CFAP97D2: variants seen among roughly 807,000 people sequenced by gnomAD.
CFAP97D2 encodes the protein uncharacterized protein CFAP97D2.
In CFAP97D2 at chr13:114,185,217, G is replaced by A. The variant is rs989926406; in HGVS notation, c.90+5797G>A. ...CACCGCTCTTGCCTGCTGATGCAGG[G>A]AGGGCACAGGAAAGAGGTGAACAGT... On this transcript the variant is annotated intron_variant, in intron 1 of 4. Transcript: ENST00000646158. The surrounding 1 kb of genome is among the most constrained non-coding windows in gnomAD (Gnocchi z 5.2). 3.9e-5 allele frequency among the ~76,000 whole-genome samples: 6 copies of A among 152,230 alleles called. No individual in the cohort carries two copies. Among genetic ancestry groups the A allele is most frequent in the African/African-American group, 1.4e-4 (6 of 41,464 alleles).
intron 1 of CFAP97D2, among the ~76,000 whole-genome samples, chr13:114,195,937 G>C (rs1430315956): frequency 1.3e-5 from 2 of 149,412 alleles, no homozygotes; most frequent in East Asian, 2.0e-4. Context: ...AAAAAAACTA[G>C]CTGGGCATGG....
intron 1 of CFAP97D2, among the ~76,000 whole-genome samples, chr13:114,196,175 A>T (rs1230502424): frequency 6.6e-6 from 1 of 151,750 alleles, no homozygotes; most frequent in Non-Finnish European, 1.5e-5. Context: ...CACCCACTTA[A>T]TTCTGTCTTT....
In CFAP97D2 at chr13:114,222,497, G is replaced by T. The variant is rs1324930574; in HGVS notation, c.481-1G>T. 1.5e-5 allele frequency: 6 copies of T among 398,476 alleles called. No individual in the cohort carries two copies. Among genetic ancestry groups the T allele is most frequent in the Admixed American group, 8.8e-5 (2 of 22,714 alleles). The allele number at this position is 398,476 out of a possible 1,614,324, so 24.7% of individuals were successfully genotyped here. A position where few individuals can be genotyped will look rare whatever the true frequency, so the allele number is the denominator to read the frequency against. ...GTTTCAAATATGTATTTTAAATCCA[G>T]CAGGAAGTGAAACTGGATTAGCAAG... On this transcript the variant is annotated splice_acceptor_variant, in intron 4 of 4. Transcript: ENST00000646158. LOFTEE classifies it high-confidence loss of function. This position sits in a 1 kb window ranked among gnomAD's most constrained non-coding sequence, Gnocchi z 4.4.
intron 3 of CFAP97D2, among the ~76,000 whole-genome samples, chr13:114,209,002 GA>G (rs1210832476): frequency 1.3e-5 from 2 of 152,208 alleles, no homozygotes; most frequent in Non-Finnish European, 2.9e-5. Context: ...TATAGAAGGT[GA>G]TTTTTAAAGC....
In CFAP97D2 at chr13:114,203,553, G is replaced by A. The variant is rs1299788039; in HGVS notation, c.290+3110G>A. Among the ~76,000 whole-genome samples the A allele has an allele frequency of 2.0e-5, 3 of 152,184 alleles. No individual in the cohort carries two copies. The highest frequency in any genetic ancestry group is 7.2e-5 in the African/African-American group (3 of 41,432). ...CTTGTCACATGACCAGGAAAATCTAGGCACACGAACACATTGAAGGGTGAG... is the reference window on the plus strand; with the variant it reads ...CTTGTCACATGACCAGGAAAATCTAAGCACACGAACACATTGAAGGGTGAG... On this transcript the variant is annotated intron_variant, in intron 3 of 4. Transcript: ENST00000646158. The surrounding 1 kb of genome is among the most constrained non-coding windows in gnomAD (Gnocchi z 4.3).
At chr13:114,210,890 A>ACT (rs2080964189) in intron 3 of CFAP97D2, among the ~76,000 whole-genome samples, 1 of 150,504 alleles carries the variant, frequency 6.6e-6, no homozygotes, top group Non-Finnish European at 1.5e-5. Context: ...ACACACACAC[A>ACT]CTTTAATGGC....
rs2081025024 is a variant in CFAP97D2, at chr13:114,222,168, A to T, written c.481-330A>T. Among the ~76,000 whole-genome samples the T allele has an allele frequency of 6.6e-6, 1 of 152,224 alleles. No individual in the cohort carries two copies. The highest frequency in any genetic ancestry group is 1.5e-5 in the Non-Finnish European group (1 of 68,048). On this transcript the variant is annotated intron_variant, in intron 4 of 4. Transcript: ENST00000646158. The surrounding 1 kb of genome is among the most constrained non-coding windows in gnomAD (Gnocchi z 4.4). Reference sequence around the variant, plus strand: ...GAATAGGCACATTCAAAGAGACAAAAAGTAATCAGTGGTTGTCGGGGCTGG... The same window carrying T: ...GAATAGGCACATTCAAAGAGACAAATAGTAATCAGTGGTTGTCGGGGCTGG...
chr13:114,194,955 C>T (rs988801218), intron 1 of CFAP97D2, among the ~76,000 whole-genome samples: 1 of 152,182 alleles, frequency 6.6e-6, no homozygotes, highest in African/African-American at 2.4e-5. Flanking sequence ...CCTGTCCATG[C>T]CCCAAACCCA....
intron 4 of CFAP97D2, among the ~76,000 whole-genome samples, chr13:114,221,064 T>G (rs2081019148): frequency 6.6e-6 from 1 of 152,190 alleles, no homozygotes; most frequent in Non-Finnish European, 1.5e-5. Context: ...CTGGCCAACA[T>G]GGTGAAACCC....
Position 114,203,134 on chromosome 13 carries a change from C to T in CFAP97D2, c.290+2691C>T, listed in dbSNP as rs143260505. On this transcript the variant is annotated intron_variant, in intron 3 of 4. Coordinates refer to ENST00000646158, the Ensembl canonical transcript of CFAP97D2. This position sits in a 1 kb window ranked among gnomAD's most constrained non-coding sequence, Gnocchi z 4.3. ...TTGGGAAGGAAGAAGCAAACTATTTCTATTCACAGATGATATGATCTTGCA... is the reference window on the plus strand; with the variant it reads ...TTGGGAAGGAAGAAGCAAACTATTTTTATTCACAGATGATATGATCTTGCA... Among the ~76,000 whole-genome samples, 140 of 152,326 alleles carry T rather than the reference C, an allele frequency of 9.2e-4. No individual in the cohort carries two copies. The highest frequency in any genetic ancestry group is 3.2e-3 in the African/African-American group (133 of 41,566).
intron 1 of CFAP97D2, among the ~76,000 whole-genome samples, chr13:114,191,708 A>G (rs1360886428): frequency 6.6e-6 from 1 of 152,182 alleles, no homozygotes; most frequent in Non-Finnish European, 1.5e-5. Context: ...TAAACATACT[A>G]TTACCATACA....
At chr13:114,197,424 C>G (rs1246074203) in intron 2 of CFAP97D2, among the ~76,000 whole-genome samples, 1 of 152,088 alleles carries the variant, frequency 6.6e-6, no homozygotes, top group Non-Finnish European at 1.5e-5. Flanking sequence ...TGAGGCATGT[C>G]CAACCCCACT....
At chr13:114,182,553 A>G (rs1234789079) in intron 1 of CFAP97D2, among the ~76,000 whole-genome samples, 1 of 151,162 alleles carries the variant, frequency 6.6e-6, no homozygotes, top group Non-Finnish European at 1.5e-5. Context: ...TCAGACTATC[A>G]CATGGGGAGA....
intron 1 of CFAP97D2, among the ~76,000 whole-genome samples, chr13:114,181,201 A>G (rs2080830788): frequency 6.6e-6 from 1 of 152,188 alleles, no homozygotes; most frequent in African/African-American, 2.4e-5. Context: ...AAAGAGAGAA[A>G]CTGGAAGTCA....
chr13:114,181,383 A>G (rs7327370), intron 1 of CFAP97D2, among the ~76,000 whole-genome samples: 96,248 of 151,930 alleles, frequency 0.63, 32,086 homozygotes, highest in African/African-American at 0.86. Flanking sequence ...TAGGACATGA[A>G]ACCTGGCAAA....
intron 4 of CFAP97D2, among the ~76,000 whole-genome samples, chr13:114,217,898 G>A (rs1383420871): frequency 2.6e-5 from 4 of 152,162 alleles, no homozygotes; most frequent in Non-Finnish European, 5.9e-5. Context: ...AGCTATTTAT[G>A]ACAAACTCAC....
intron 2 of CFAP97D2, among the ~76,000 whole-genome samples, 159 bp downstream of exon 2, chr13:114,196,635 G>C (rs1344879437): frequency 6.6e-6 from 1 of 152,220 alleles, no homozygotes; most frequent in African/African-American, 2.4e-5. Flanking sequence ...CCGTGAGGGA[G>C]CTGGTTGATA....
At chr13:114,181,784 C>G (rs1008577717) in intron 1 of CFAP97D2, among the ~76,000 whole-genome samples, 10 of 152,116 alleles carry the variant, frequency 6.6e-5, no homozygotes, top group African/African-American at 2.2e-4. Context: ...GCATCCCAGT[C>G]CCCTGATGAC....
intron 1 of CFAP97D2, among the ~76,000 whole-genome samples, chr13:114,181,500 T>C (rs1402298045): frequency 6.6e-6 from 1 of 151,976 alleles, no homozygotes; most frequent in Non-Finnish European, 1.5e-5. Context: ...CCCCACTGAA[T>C]GAGGAGAAGG....
Sources: allele counts gnomAD v4.1 joint callset (sites outside exome capture counted in the v4.1 genomes callset), GRCh38; gene constraint gnomAD v4.1.1; non-coding constraint Gnocchi (gnomAD v3.1); transcripts MANE v1.5; gene names NCBI Gene and HGNC (gene_info 2026-07-23, HGNC 2026-07-21).